Variants in PKHD1 observed in about 807,000 individuals in gnomAD.
The protein encoded by PKHD1 is PKHD1 ciliary IPT domain containing fibrocystin/polyductin.
PKHD1 carries 291 observed loss-of-function variants against 412.0 expected under a neutral mutation model. The ratio of observed to expected loss-of-function variants is 0.71; its 90% CI spans 0.64 to 0.78. The LOEUF (loss-of-function observed/expected upper bound fraction) is 0.78, where lower values mean the gene tolerates loss of function less well. Ranked by LOEUF, PKHD1 falls within the 30% of genes least tolerant of loss-of-function variation. The pLI is 0.00. For synonymous variants in PKHD1, 1,777 were observed against 1,821.5 expected, an observed-to-expected ratio of 0.98 and a Z score of 0.62; for missense variants, 4,825 against 4,950.7, an observed-to-expected ratio of 0.97 and a Z score of 0.76.
At chr6:51,811,059 T>C (rs183705577) in intron 52 of PKHD1, among the ~76,000 whole-genome samples, 1 of 152,320 alleles carries the variant, frequency 6.6e-6, no homozygotes, top group Admixed American at 6.5e-5. Flanking sequence ...AATTTTCTTC[T>C]TTGTGCCACC....
chr6:51,982,187 G>A (rs1481226344), intron 35 of PKHD1, among the ~76,000 whole-genome samples: 29 of 44,320 alleles, frequency 6.5e-4, no homozygotes, highest in Middle Eastern at 5.5e-3. Context: ...GAGGGAGGTG[G>A]GGGGGTCAGC....
intron 35 of PKHD1, among the ~76,000 whole-genome samples, chr6:51,989,959 AGAAGGAAG>A (rs769016813): frequency 2.2e-4 from 8 of 36,582 alleles, no homozygotes; most frequent in East Asian, 1.1e-3. Flanking sequence ...AAGGAAGGAA[AGAAGGAAG>A]GAAGGAAGGA....
chr6:51,904,649 C>T (rs1781797481), intron 41 of PKHD1, among the ~76,000 whole-genome samples: 1 of 152,138 alleles, frequency 6.6e-6, no homozygotes, highest in Non-Finnish European at 1.5e-5. Flanking sequence ...ACCCACCACA[C>T]ATCAATAAAC....
At chr6:51,689,942 C>T (rs946197855) in intron 60 of PKHD1, among the ~76,000 whole-genome samples, 1 of 152,144 alleles carries the variant, frequency 6.6e-6, no homozygotes, top group Non-Finnish European at 1.5e-5. Flanking sequence ...AGATTCAATG[C>T]TATTCCTATA....
intron 55 of PKHD1, among the ~76,000 whole-genome samples, chr6:51,758,054 A>AGAGAGAGAGAG (rs1485093515): frequency 5.2e-4 from 60 of 115,342 alleles, no homozygotes; most frequent in African/African-American, 2.0e-3. Flanking sequence ...GAGAGAGAGA[A>AGAGAGAGAGAG]AACAAAGCAA....
At chr6:52,003,526 A>AC (rs1006313686) in intron 35 of PKHD1, among the ~76,000 whole-genome samples, 2 of 151,612 alleles carry the variant, frequency 1.3e-5, no homozygotes, top group Admixed American at 6.6e-5. Context: ...ATACTCCTTA[A>AC]CCCCCCAAAA....
chr6:52,060,453 T>G (rs758717557), intron 14 of PKHD1, among the ~76,000 whole-genome samples: 9 of 152,332 alleles, frequency 5.9e-5, no homozygotes, highest in Non-Finnish European at 1.3e-4. Context: ...ACCAGCTACC[T>G]CAACACCTGC....
At chr6:51,937,395 T>C (rs1787684260) in intron 36 of PKHD1, among the ~76,000 whole-genome samples, 1 of 152,256 alleles carries the variant, frequency 6.6e-6, no homozygotes, top group African/African-American at 2.4e-5. Flanking sequence ...CCATGGTCAC[T>C]GAAATTTGGC....
intron 1 of PKHD1, among the ~76,000 whole-genome samples, chr6:52,086,052 T>C (rs1812722542): frequency 6.8e-6 from 1 of 146,954 alleles, no homozygotes; most frequent in South Asian, 2.1e-4. Context: ...TATATAAATA[T>C]ATTTAATATA....
At chr6:52,083,660 G>A (rs1047455186) in intron 2 of PKHD1, among the ~76,000 whole-genome samples, 2 of 151,998 alleles carry the variant, frequency 1.3e-5, no homozygotes, top group Admixed American at 6.6e-5. Context: ...CTTTAATCAG[G>A]TGGCCATATT....
chr6:52,066,115 AT>A, intron 11 of PKHD1, 38 bp from the exon 12 acceptor site: 1 of 941,302 alleles, frequency 1.1e-6, no homozygotes, highest in Non-Finnish European at 1.7e-6. Context: ...AAGCTTCCAA[AT>A]ATAGACCAGA....
At chr6:51,921,223 G>A (rs9395746) in intron 37 of PKHD1, among the ~76,000 whole-genome samples, 57,934 of 151,892 alleles carry the variant, frequency 0.38, 11,818 homozygotes, top group East Asian at 0.76. Flanking sequence ...TTAGAGTATC[G>A]ATTTTAGGTC....
chr6:52,028,042 C>A lies in PKHD1; in HGVS notation c.3560+114G>T, dbSNP rs1802484486. 2.4e-6 allele frequency: 3 copies of A among 1,247,642 alleles called. No homozygotes were observed. In the East Asian group the frequency reaches 6.9e-5, roughly 29 times the overall value. The allele number at this position is 1,247,642 out of a possible 1,614,324, so 77.3% of individuals were successfully genotyped here. A position where few individuals can be genotyped will look rare whatever the true frequency, so the allele number is the denominator to read the frequency against. On this transcript the variant is annotated intron_variant, in intron 30 of 66. Coordinates refer to ENST00000371117, the MANE Select transcript of PKHD1 (RefSeq NM_138694.4). ...TGTTCCAATGTTATGATGTTCATGT[C>A]TTTAACCTCTAACTTCCAAGGGAAA...
chr6:51,903,098 G>C (rs569698254), intron 43 of PKHD1, among the ~76,000 whole-genome samples: 2 of 152,258 alleles, frequency 1.3e-5, no homozygotes, highest in East Asian at 3.9e-4. Context: ...TAGATGACCA[G>C]GAAACGATCA....
intron 60 of PKHD1, among the ~76,000 whole-genome samples, chr6:51,682,729 A>G (rs1049337811): frequency 6.6e-6 from 1 of 152,152 alleles, no homozygotes; most frequent in African/African-American, 2.4e-5. Context: ...TGTCAGCTAT[A>G]GAAGGGAAAG....
At chr6:51,731,879 TAAC>T (rs1371787543) in intron 60 of PKHD1, among the ~76,000 whole-genome samples, 1 of 152,164 alleles carries the variant, frequency 6.6e-6, no homozygotes, top group Non-Finnish European at 1.5e-5. Flanking sequence ...GTAAAACTGA[TAAC>T]AATTATTGGA....
intron 4 of PKHD1, 57 bp downstream of exon 4, chr6:52,082,335 T>TGAGATAAGC (rs1429888402): frequency 6.4e-7 from 1 of 1,565,314 alleles, no homozygotes; most frequent in Non-Finnish European, 8.8e-7. Flanking sequence ...CAAAAGATAC[T>TGAGATAAGC]GAGATAAGCA....
At chr6:51,792,436 A>G (rs1793903770) in intron 52 of PKHD1, among the ~76,000 whole-genome samples, 1 of 152,216 alleles carries the variant, frequency 6.6e-6, no homozygotes, top group South Asian at 2.1e-4. Flanking sequence ...CAAGCAAATT[A>G]ACTTGTCATG....
intron 37 of PKHD1, among the ~76,000 whole-genome samples, chr6:51,927,083 T>C (rs754047598): frequency 2.0e-5 from 3 of 152,084 alleles, no homozygotes; most frequent in Non-Finnish European, 2.9e-5. Flanking sequence ...GAAAAAGGAA[T>C]AAATACTTTT....
Sources: gnomAD v4.1 joint callset for allele counts (sites outside exome capture counted in the v4.1 genomes callset) on GRCh38, gnomAD v4.1.1 for gene constraint, MANE v1.5 for transcripts, NCBI Gene and HGNC (gene_info 2026-07-23, HGNC 2026-07-21) for gene names.